The following SGSM1 variants were observed in gnomAD, a reference collection of about 807,000 sequenced individuals.
The protein encoded by SGSM1 is small G protein signaling modulator 1, also known as RUN and TBC1 domain containing 2.
A neutral mutation model predicts 133.8 loss-of-function variants in SGSM1; 73 were observed. The observed-to-expected ratio is 0.55, with a 90% CI of 0.45 to 0.66. The LOEUF (loss-of-function observed/expected upper bound fraction) is 0.66. SGSM1 is among the 30% of genes least tolerant of loss of function. The pLI is 0.00. For synonymous variants in SGSM1, 563 were observed against 573.0 expected, an observed-to-expected ratio of 0.98 and a Z score of 0.25; for missense variants, 1,213 against 1,448.1, an observed-to-expected ratio of 0.84 and a Z score of 2.64.
chr22:24,876,234 C>T (rs1440083907), intron 12 of SGSM1, among the ~76,000 whole-genome samples: 1 of 152,194 alleles, frequency 6.6e-6, no homozygotes, highest in Non-Finnish European at 1.5e-5. Context: ...GCAGGCTCCC[C>T]TTCCCTCCTG....
chr22:24,867,815 T>G (rs900153006), intron 10 of SGSM1, among the ~76,000 whole-genome samples: 1 of 152,230 alleles, frequency 6.6e-6, no homozygotes, highest in Non-Finnish European at 1.5e-5. Context: ...AGACCCAGAC[T>G]CTGCCATTGA....
chr22:24,904,496 C>T (rs1476569977), intron 20 of SGSM1, among the ~76,000 whole-genome samples: 9 of 150,452 alleles, frequency 6.0e-5, no homozygotes, highest in Non-Finnish European at 8.8e-5. Context: ...AGGAGAATGT[C>T]GTGAACCCAG....
At chr22:24,844,525 TAAA>T in intron 2 of SGSM1, 1 of 158,450 alleles carries the variant, frequency 6.3e-6, no homozygotes, top group East Asian at 1.7e-4. Context: ...AAACTCCGTC[TAAA>T]AAAAAAAAGA....
At position 24,905,265 on chromosome 22, in the gene SGSM1, G is replaced by C. The variant is rs763719759; in HGVS notation, c.2818+78G>C. ...ATGGCAGAAGGCTTAATCTCACTTTGTGACTCTGTAGAATGTGGCTCCAGC... is the reference window on the plus strand; with the variant it reads ...ATGGCAGAAGGCTTAATCTCACTTTCTGACTCTGTAGAATGTGGCTCCAGC... On this transcript the variant is annotated intron_variant, in intron 21 of 24. Coordinates refer to ENST00000400358, the MANE Select transcript of SGSM1 (RefSeq NM_001098497.3). 50 of 1,388,482 alleles carry C rather than the reference G, an allele frequency of 3.6e-5. No individual in the cohort carries two copies. The South Asian group carries it at 4.0e-4, about 11-fold the overall frequency. The allele number at this position is 1,388,482 out of a possible 1,614,324, so 86.0% of individuals were successfully genotyped here.
chr22:24,845,371 G>A (rs1241562187), intron 3 of SGSM1, among the ~76,000 whole-genome samples: 1 of 152,134 alleles, frequency 6.6e-6, no homozygotes, highest in African/African-American at 2.4e-5. Context: ...GAAGGATCGC[G>A]TCCATCTGGC....
chr22:24,806,511 C>T (rs1927395815), intron 2 of SGSM1, 27 bp downstream of exon 2: 9 of 1,492,308 alleles, frequency 6.0e-6, no homozygotes, highest in African/African-American at 1.5e-5. Flanking sequence ...GGGCACTGGG[C>T]AGGACTCCCC....
At chr22:24,915,438 A>G (rs1297742328) in intron 22 of SGSM1, among the ~76,000 whole-genome samples, 1 of 152,216 alleles carries the variant, frequency 6.6e-6, no homozygotes, top group Non-Finnish European at 1.5e-5. Context: ...CCAGGGCAGT[A>G]TGGTAAGGAT....
intron 2 of SGSM1, among the ~76,000 whole-genome samples, chr22:24,808,581 A>G (rs1927554277): frequency 6.6e-6 from 1 of 152,138 alleles, no homozygotes; most frequent in Admixed American, 6.6e-5. Flanking sequence ...TTTGTTTTTA[A>G]GGCAATGGTT....
In SGSM1 at chr22:24,912,726, T is replaced by C. The variant is rs1408881940; in HGVS notation, c.2902T>C (p.Phe968Leu). ...FPHGGAMDTH[F>L]ANMRSLIQIL... ...CCACGGAGGCGCCATGGACACGCACTTTGCAAACATGAGATCGTTGATCCA... is the reference window on the plus strand; with the variant it reads ...CCACGGAGGCGCCATGGACACGCACCTTGCAAACATGAGATCGTTGATCCA... The change falls in exon 22 of 25, where the codon TTT becomes CTT. Residue 968 changes from phenylalanine to leucine, a missense_variant. By Grantham distance (22) the Phe-to-Leu change is conservative (BLOSUM62 0). Coordinates refer to ENST00000400358, the MANE Select transcript of SGSM1 (RefSeq NM_001098497.3). The C allele has an allele frequency of 6.2e-7, 1 of 1,613,194 alleles. No individual in the cohort carries two copies. Among genetic ancestry groups the C allele is most frequent in the Non-Finnish European group, 8.5e-7 (1 of 1,179,642 alleles).
At chr22:24,859,546 A>G (rs1228458268) in intron 8 of SGSM1, 170 bp from the exon 9 acceptor site, 5 of 904,794 alleles carry the variant, frequency 5.5e-6, no homozygotes, top group Non-Finnish European at 6.9e-6. Context: ...GGCTTTGCTT[A>G]GCATGGCCAT....
At chr22:24,906,129 T>A (rs962197041) in intron 21 of SGSM1, among the ~76,000 whole-genome samples, 2 of 152,200 alleles carry the variant, frequency 1.3e-5, no homozygotes, top group African/African-American at 4.8e-5. Flanking sequence ...TCAATCAATT[T>A]AATTCACTAC....
At chr22:24,892,326 C>G (rs917523639) in intron 16 of SGSM1, among the ~76,000 whole-genome samples, 1 of 152,186 alleles carries the variant, frequency 6.6e-6, no homozygotes, top group African/African-American at 2.4e-5. Context: ...CATCCTGGCT[C>G]TCCTTACCTA....
chr22:24,844,134 T>C (rs1157489078), intron 2 of SGSM1: 7 of 152,358 alleles, frequency 4.6e-5, no homozygotes, highest in Non-Finnish European at 7.3e-5. Context: ...GGCACTGTTC[T>C]AGGCTGTGCA....
chr22:24,842,009 C>A (rs1464984163), intron 2 of SGSM1, among the ~76,000 whole-genome samples: 1 of 152,162 alleles, frequency 6.6e-6, no homozygotes, highest in East Asian at 1.9e-4. Context: ...TGCCTGGACT[C>A]CCCCACCCCC....
intron 16 of SGSM1, among the ~76,000 whole-genome samples, chr22:24,887,425 T>A (rs1229312786): frequency 6.6e-6 from 1 of 152,218 alleles, no homozygotes; most frequent in Non-Finnish European, 1.5e-5. Flanking sequence ...GTTGAGAGTA[T>A]CAAGAGTTGA....
intron 2 of SGSM1, among the ~76,000 whole-genome samples, chr22:24,834,909 A>G (rs978031735): frequency 6.6e-6 from 1 of 151,914 alleles, no homozygotes; most frequent in Admixed American, 6.6e-5. Context: ...CTGAGTCTCA[A>G]TTGCCTCCTC....
chr22:24,812,370 G>A (rs1271031013), intron 2 of SGSM1, among the ~76,000 whole-genome samples: 5 of 152,116 alleles, frequency 3.3e-5, no homozygotes, highest in African/African-American at 1.2e-4. Context: ...GCAGAGAGAT[G>A]TTATGCAGCT....
chr22:24,815,703 G>A (rs1012353044), intron 2 of SGSM1, among the ~76,000 whole-genome samples: 2 of 152,196 alleles, frequency 1.3e-5, no homozygotes, highest in East Asian at 1.9e-4. Context: ...ACGAGATGGC[G>A]CCACTGGAGG....
intron 22 of SGSM1, among the ~76,000 whole-genome samples, chr22:24,917,270 C>T (rs1017410017): frequency 5.6e-4 from 85 of 152,222 alleles, no homozygotes; most frequent in African/African-American, 1.9e-3. Flanking sequence ...GAGGAACTAC[C>T]ACACTGTTTT....
Sources: allele counts gnomAD v4.1 joint callset (sites outside exome capture counted in the v4.1 genomes callset), GRCh38; gene constraint gnomAD v4.1.1; transcripts MANE v1.5; gene names NCBI Gene and HGNC (gene_info 2026-07-23, HGNC 2026-07-21).